The following SUPT3H variants were observed in gnomAD, a reference collection of about 807,000 sequenced individuals.
SUPT3H encodes SPT3 homolog, SAGA and STAGA complex component, also known as transcription initiation protein SPT3 homolog.
SUPT3H carries 44 observed loss-of-function variants against 44.3 expected under a neutral mutation model. The observed-to-expected ratio is 0.99, with a 90% CI of 0.78 to 1.28. The LOEUF (loss-of-function observed/expected upper bound fraction) is 1.28, where lower values mean the gene tolerates loss of function less well. SUPT3H is among the 50% of genes most tolerant of loss of function. SUPT3H has a pLI of 0.00. For synonymous variants in SUPT3H, 124 were observed against 125.6 expected (o/e 0.99, Z 0.09); for missense variants, 380 against 387.1 (o/e 0.98, Z 0.15).
At chr6:45,146,297 A>C (rs1806058247) in intron 2 of SUPT3H, among the ~76,000 whole-genome samples, 1 of 152,196 alleles carries the variant, frequency 6.6e-6, no homozygotes, top group South Asian at 2.1e-4. Context: ...GTGGATAAAG[A>C]AAATATATGT....
intron 2 of SUPT3H, among the ~76,000 whole-genome samples, chr6:45,120,941 CAAT>C (rs756525395): frequency 6.6e-6 from 1 of 151,868 alleles, no homozygotes; most frequent in Non-Finnish European, 1.5e-5. Flanking sequence ...AATATTAGAA[CAAT>C]AATAAGTATA....
intron 3 of SUPT3H, among the ~76,000 whole-genome samples, chr6:45,070,202 GA>G (rs1794156518): frequency 6.6e-6 from 1 of 152,062 alleles, no homozygotes; most frequent in Non-Finnish European, 1.5e-5. Context: ...AACTTAAGGG[GA>G]AAAGGACCAT....
At chr6:45,320,962 T>TTA (rs1012798877) in intron 2 of SUPT3H, among the ~76,000 whole-genome samples, 6 of 151,968 alleles carry the variant, frequency 3.9e-5, no homozygotes, top group Non-Finnish European at 5.9e-5. Flanking sequence ...TTTAAGGCTT[T>TTA]TATATATATA....
intron 10 of SUPT3H, among the ~76,000 whole-genome samples, chr6:44,893,495 G>A (rs1763636973): frequency 1.3e-5 from 2 of 152,036 alleles, no homozygotes; most frequent in South Asian, 4.1e-4. Flanking sequence ...TCTTGCAATA[G>A]TTTACTGAGA....
At chr6:44,920,508 G>C (rs1380966333) in intron 10 of SUPT3H, among the ~76,000 whole-genome samples, 3 of 149,764 alleles carry the variant, frequency 2.0e-5, no homozygotes, top group African/African-American at 7.4e-5. Context: ...GCTGCAGTGA[G>C]CTATTACTGC....
At chr6:45,077,445 A>G (rs1795142735) in intron 3 of SUPT3H, among the ~76,000 whole-genome samples, 1 of 151,814 alleles carries the variant, frequency 6.6e-6, no homozygotes, top group South Asian at 2.1e-4. Context: ...TGGGCAACAT[A>G]GTGAAACCCT....
chr6:44,905,237 T>C (rs967301577), intron 10 of SUPT3H, among the ~76,000 whole-genome samples: 3 of 152,042 alleles, frequency 2.0e-5, no homozygotes, highest in Admixed American at 6.6e-5. Flanking sequence ...ACAGGCAACC[T>C]ACAGAATGGA....
chr6:45,099,166 A>C, intron 3 of SUPT3H: 1 of 290,100 alleles, frequency 3.4e-6, no homozygotes, highest in Non-Finnish European at 6.8e-6. Flanking sequence ...CCTCAATGGG[A>C]CCACCCTTTC....
At chr6:45,008,892 A>G (rs1427284334) in intron 5 of SUPT3H, among the ~76,000 whole-genome samples, 1 of 151,948 alleles carries the variant, frequency 6.6e-6, no homozygotes, top group African/African-American at 2.4e-5. Flanking sequence ...GGCACACACC[A>G]CTATACCCAG....
chr6:45,097,330 G>T (rs1252524720), intron 3 of SUPT3H, among the ~76,000 whole-genome samples: 2 of 152,202 alleles, frequency 1.3e-5, no homozygotes, highest in Non-Finnish European at 2.9e-5. Flanking sequence ...AAGCCCAGCT[G>T]TGAGTTTTCT....
intron 3 of SUPT3H, among the ~76,000 whole-genome samples, chr6:45,082,749 A>C (rs1245445939): frequency 1.3e-5 from 2 of 152,204 alleles, no homozygotes; most frequent in Non-Finnish European, 2.9e-5. Context: ...CTTCTACTCA[A>C]CATAGTACTG....
chr6:45,115,475 A>G (rs917005054), intron 2 of SUPT3H, among the ~76,000 whole-genome samples: 2 of 152,198 alleles, frequency 1.3e-5, no homozygotes, highest in Non-Finnish European at 2.9e-5. Flanking sequence ...AAACACTCTG[A>G]GAGGTTCTGA....
At chr6:44,863,218 G>C (rs1325329232) in intron 10 of SUPT3H, among the ~76,000 whole-genome samples, 1 of 152,142 alleles carries the variant, frequency 6.6e-6, no homozygotes, top group South Asian at 2.1e-4. Flanking sequence ...CTAGGTGTGG[G>C]AATGCACCTG....
chr6:45,277,623 T>C (rs1368568206), intron 2 of SUPT3H, among the ~76,000 whole-genome samples: 1 of 152,170 alleles, frequency 6.6e-6, no homozygotes, highest in African/African-American at 2.4e-5. Context: ...CATTACCCTA[T>C]AGGGACTCAG....
intron 3 of SUPT3H, among the ~76,000 whole-genome samples, chr6:45,025,590 TACA>T (rs764950391): frequency 4.7e-4 from 71 of 152,132 alleles, no homozygotes; most frequent in Non-Finnish European, 8.8e-4. Context: ...GTTTAAAATG[TACA>T]ACAGAATTGG....
chr6:45,369,876 G>T (rs1245565194), intron 1 of SUPT3H, among the ~76,000 whole-genome samples: 2 of 152,126 alleles, frequency 1.3e-5, no homozygotes, highest in African/African-American at 4.8e-5. Context: ...TATAAGATCT[G>T]GGAGGGAGCT....
rs76729288 is a variant in SUPT3H at position 44,856,600 on chromosome 6, C to T, written c.913-26743G>A. On this transcript the variant is annotated intron_variant, in intron 10 of 10. Transcript: ENST00000371459. ...AATTCTCTAACATTTGCCCTCTTAT[C>T]CTATATCATTTCAGTTTCACTATAT... 1.8e-3 allele frequency among the ~76,000 whole-genome samples: 272 copies of T among 152,232 alleles called. 1 individual carries two copies. Among genetic ancestry groups the T allele is most frequent in the Non-Finnish European group, 3.0e-3 (205 of 68,010 alleles).
intron 3 of SUPT3H, among the ~76,000 whole-genome samples, chr6:45,064,938 C>G: frequency 6.7e-6 from 1 of 149,170 alleles, no homozygotes. Flanking sequence ...AGGAATTGAA[C>G]TCAGCTCTGC....
At chr6:44,876,831 C>T (rs1582144690) in intron 10 of SUPT3H, among the ~76,000 whole-genome samples, 2 of 50,788 alleles carry the variant, frequency 3.9e-5, no homozygotes, top group African/African-American at 1.3e-4. Flanking sequence ...TAAAGATCTT[C>T]AATTGAAAAA....
Sources: gnomAD v4.1 joint callset for allele counts (sites outside exome capture counted in the v4.1 genomes callset) on GRCh38, gnomAD v4.1.1 for gene constraint, MANE v1.5 for transcripts, NCBI Gene and HGNC (gene_info 2026-07-23, HGNC 2026-07-21) for gene names.